Variants in RSPO3 observed in about 807,000 individuals in gnomAD.
RSPO3 encodes the protein R-spondin-3.
Under a neutral mutation model 36.5 loss-of-function variants are expected in RSPO3, and 17 were observed. The ratio of observed to expected loss-of-function variants is 0.47; its 90% CI spans 0.32 to 0.70. RSPO3 has a LOEUF of 0.70. Among genes scored for constraint, RSPO3 ranks in the 30% least tolerant of loss-of-function variants. The pLI, the probability that RSPO3 is intolerant of heterozygous loss-of-function variation, is 0.04. For missense variants in RSPO3, 294 were observed against 322.5 expected (o/e 0.91, Z 0.68); for synonymous variants, 108 against 107.0 (o/e 1.01, Z -0.06).
chr6:127,154,386 TTATTGAAAAAAAG>T (rs1273489264), intron 3 of RSPO3, among the ~76,000 whole-genome samples: 10 of 152,100 alleles, frequency 6.6e-5, no homozygotes, highest in Non-Finnish European at 1.2e-4. Context: ...GAGAAAGCCG[TTATTGAAAAAAAG>T]AAACTAATAC....
intron 1 of RSPO3, among the ~76,000 whole-genome samples, chr6:127,134,694 C>T (rs923243085): frequency 3.4e-4 from 52 of 152,312 alleles, no homozygotes; most frequent in African/African-American, 1.2e-3. Flanking sequence ...TATGTGATCA[C>T]TGACTTGTAA....
chr6:127,160,507 G>A (rs1455283555), intron 4 of RSPO3, among the ~76,000 whole-genome samples: 1 of 152,214 alleles, frequency 6.6e-6, no homozygotes, highest in African/African-American at 2.4e-5. Context: ...TCCTTATGGA[G>A]CAGGGATACC....
At chr6:127,163,456 T>C (rs1161502786) in intron 4 of RSPO3, among the ~76,000 whole-genome samples, 2 of 152,130 alleles carry the variant, frequency 1.3e-5, no homozygotes, top group African/African-American at 4.8e-5. Flanking sequence ...GTTGATGCCT[T>C]ATCCTTGGGC....
In RSPO3 at chr6:127,148,691, A is replaced by G. The variant is rs189015909; in HGVS notation, c.141A>G (p.Thr47=). 207 of 1,613,180 alleles carry G rather than the reference A, an allele frequency of 1.3e-4. No individual in the cohort carries two copies. The highest frequency in any genetic ancestry group is 1.7e-4 in the Non-Finnish European group (203 of 1,179,398). Residue 47 remains threonine, a synonymous_variant, in exon 2 of 5, where the codon ACA becomes ACG. Transcript: ENST00000356698. ...AAGGCTGCCAAGGAGGCTGTGCAAC[A>G]TGCTCAGATTACAATGGATGTTTGT... ...VSQGCQGGCA[T]CSDYNGCLSC...
At chr6:127,145,045 C>G (rs1774355165) in intron 1 of RSPO3, among the ~76,000 whole-genome samples, 1 of 152,122 alleles carries the variant, frequency 6.6e-6, no homozygotes, top group African/African-American at 2.4e-5. Context: ...TTCATAAAAT[C>G]TGCAAAATTA....
At chr6:127,176,966 T>C (rs912113707) in intron 4 of RSPO3, among the ~76,000 whole-genome samples, 5 of 151,780 alleles carry the variant, frequency 3.3e-5, no homozygotes, top group Admixed American at 1.3e-4. Flanking sequence ...AACCTTGTGT[T>C]TTAAACCAAG....
Position 127,197,635 on chromosome 6 carries a change from A to C in RSPO3, c.*1628A>C. ...ACTGCTTTCTGAAGAATTTGCAATG[A>C]CTCTGGCTTCTGGCTGCTTATCTCT... On this transcript the variant is annotated 3_prime_UTR_variant, in exon 5 of 5. Transcript: ENST00000356698. The C allele has an allele frequency of 7.3e-7, 1 of 1,372,918 alleles. No individual in the cohort carries two copies. Among genetic ancestry groups the C allele is most frequent in the Non-Finnish European group, 9.7e-7 (1 of 1,033,892 alleles). 85.0% of individuals were successfully genotyped at this position (1,372,918 alleles called of 1,614,324 possible). A position where few individuals can be genotyped will look rare whatever the true frequency, so the allele number is the denominator to read the frequency against.
At chr6:127,148,989 C>T (rs1014789986) in intron 2 of RSPO3, 150 bp downstream of exon 2, 5 of 629,704 alleles carry the variant, frequency 7.9e-6, no homozygotes, top group Non-Finnish European at 1.2e-5. Context: ...ACTTAACCCT[C>T]AGAACCAGAA....
chr6:127,167,413 G>A (rs1044785586), intron 4 of RSPO3, among the ~76,000 whole-genome samples: 11 of 151,938 alleles, frequency 7.2e-5, no homozygotes, highest in African/African-American at 2.4e-4. Context: ...GAGGATAACA[G>A]CTTCCACATC....
intron 1 of RSPO3, among the ~76,000 whole-genome samples, chr6:127,144,810 C>T (rs1774350159): frequency 6.6e-6 from 1 of 151,630 alleles, no homozygotes; most frequent in Admixed American, 6.6e-5. Context: ...TTAGTAGAGA[C>T]GGAGTTTCAC....
At chr6:127,121,554 G>C (rs1773846262) in intron 1 of RSPO3, among the ~76,000 whole-genome samples, 1 of 152,120 alleles carries the variant, frequency 6.6e-6, no homozygotes, top group Non-Finnish European at 1.5e-5. Flanking sequence ...TTGGTTTGCT[G>C]GTGCAATCCT....
Position 127,158,633 on chromosome 6 carries a change from G to C in RSPO3, c.634+3195G>C, listed in dbSNP as rs142392909. The stretch of plus-strand genomic sequence containing the variant: ...TGTAGGAACAGAGTGGATTCATCTA[G>C]TTGGGAGATGCTTTTTAATATGTAT... On this transcript the variant is annotated intron_variant, in intron 4 of 4. Transcript: ENST00000356698. Among the ~76,000 whole-genome samples the C allele has an allele frequency of 2.9e-3, 440 of 152,226 alleles. 15 individuals are homozygous for C. The highest frequency in any genetic ancestry group is 0.027 in the Admixed American group (409 of 15,276).
chr6:127,185,271 T>C lies in RSPO3; in HGVS notation c.635-10552T>C, dbSNP rs1243976645. On this transcript the variant is annotated intron_variant, in intron 4 of 4. Coordinates refer to ENST00000356698, the MANE Select transcript of RSPO3 (RefSeq NM_032784.5). ...AAGAACAGACAATTGCTTCAACAAA[T>C]AGAATGGGAGAAAAAGTACCTAGAA... 3.3e-5 allele frequency among the ~76,000 whole-genome samples: 5 copies of C among 152,054 alleles called. No homozygotes were observed. The South Asian group carries it at 6.2e-4, about 19-fold the overall frequency.
At chr6:127,190,260 C>T (rs1292337683) in intron 4 of RSPO3, among the ~76,000 whole-genome samples, 1 of 152,114 alleles carries the variant, frequency 6.6e-6, no homozygotes, top group African/African-American at 2.4e-5. Context: ...CAAACCCCAT[C>T]TCTACTAAAA....
At chr6:127,172,810 C>T (rs1409789384) in intron 4 of RSPO3, among the ~76,000 whole-genome samples, 1 of 151,692 alleles carries the variant, frequency 6.6e-6, no homozygotes, top group Non-Finnish European at 1.5e-5. Flanking sequence ...GAAATTGAGG[C>T]TTTGAGTGTG....
intron 1 of RSPO3, among the ~76,000 whole-genome samples, chr6:127,140,262 A>AT (rs531317402): frequency 3.4e-4 from 52 of 152,204 alleles, no homozygotes; most frequent in African/African-American, 1.1e-3. Flanking sequence ...CAAGACTGTA[A>AT]TTTTTTTGCT....
chr6:127,137,440 CCAAGT>C (rs1294793055), intron 1 of RSPO3, among the ~76,000 whole-genome samples: 10 of 151,984 alleles, frequency 6.6e-5, no homozygotes, highest in Non-Finnish European at 1.5e-5. Context: ...TGGGCTTTCC[CCAAGT>C]ATCATGATAT....
intron 4 of RSPO3, among the ~76,000 whole-genome samples, chr6:127,172,404 A>T (rs2114619016): frequency 6.6e-6 from 1 of 151,746 alleles, no homozygotes; most frequent in South Asian, 2.1e-4. Flanking sequence ...GCTGGAAGGG[A>T]TTTATTCATC....
intron 4 of RSPO3, among the ~76,000 whole-genome samples, chr6:127,186,930 ATG>A (rs1186998305): frequency 5.3e-5 from 8 of 152,158 alleles, no homozygotes; most frequent in Non-Finnish European, 1.0e-4. Context: ...CAGTCTGGCA[ATG>A]TGTGTATAAC....
Sources: gnomAD v4.1 joint callset for allele counts (sites outside exome capture counted in the v4.1 genomes callset) on GRCh38, gnomAD v4.1.1 for gene constraint, MANE v1.5 for transcripts, NCBI Gene and HGNC (gene_info 2026-07-23, HGNC 2026-07-21) for gene names.